The following KDM4C variants were observed in gnomAD, a reference collection of about 807,000 sequenced individuals.
KDM4C encodes the protein lysine-specific demethylase 4C.
Under a neutral mutation model 129.3 loss-of-function variants are expected in KDM4C, and 81 were observed. That is an observed-to-expected ratio of 0.63 (90% CI 0.52 to 0.75). The LOEUF is 0.75. Ranked by LOEUF, KDM4C falls within the 30% of genes least tolerant of loss-of-function variation. The pLI, the probability that KDM4C is intolerant of heterozygous loss-of-function variation, is 0.00. For missense variants in KDM4C, 1,457 were observed against 1,304.0 expected (o/e 1.12, Z -1.81); for synonymous variants, 573 against 456.1 (o/e 1.26, Z -3.26).
chr9:6,898,657 G>A (rs1192242737), intron 8 of KDM4C, among the ~76,000 whole-genome samples: 1 of 152,100 alleles, frequency 6.6e-6, no homozygotes, highest in Non-Finnish European at 1.5e-5. Flanking sequence ...TTTTAAAACT[G>A]ATTTCCCTTT....
At chr9:7,014,915 AACACAC>A (rs55864882) in intron 14 of KDM4C, among the ~76,000 whole-genome samples, 12,920 of 146,184 alleles carry the variant, frequency 0.088, 603 homozygotes, top group South Asian at 0.13. Context: ...GGCAATTTGT[AACACAC>A]ACACACACAC....
At chr9:6,753,732 CA>C (rs1818147936), upstream of KDM4C, among the ~76,000 whole-genome samples, 1 of 152,130 alleles carries the variant, frequency 6.6e-6, no homozygotes, top group African/African-American at 2.4e-5. Flanking sequence ...CCCATTCCTG[CA>C]GTTACGGCAT....
At chr9:6,847,682 G>A (rs1036379652) in intron 4 of KDM4C, among the ~76,000 whole-genome samples, 12 of 151,854 alleles carry the variant, frequency 7.9e-5, no homozygotes, top group African/African-American at 1.7e-4. Flanking sequence ...GAGTCTCCGC[G>A]CCCGGCCGGA....
At chr9:6,775,542 G>C (rs137964777) in intron 1 of KDM4C, among the ~76,000 whole-genome samples, 3,002 of 151,306 alleles carry the variant, frequency 0.02, 43 homozygotes, top group Non-Finnish European at 0.031. Flanking sequence ...TTTTTTTTGA[G>C]ATGGAGTTTC....
intron 20 of KDM4C, among the ~76,000 whole-genome samples, chr9:7,168,450 T>A (rs566284313): frequency 1.1e-4 from 17 of 152,206 alleles, no homozygotes; most frequent in Non-Finnish European, 2.4e-4. Context: ...GTATTAAACC[T>A]AAACCAATCT....
intron 15 of KDM4C, among the ~76,000 whole-genome samples, chr9:7,030,170 T>G (rs1261335887): frequency 2.6e-5 from 4 of 152,208 alleles, no homozygotes; most frequent in Non-Finnish European, 4.4e-5. Flanking sequence ...CCATTTTGCT[T>G]TAATTAGTTT....
intron 15 of KDM4C, among the ~76,000 whole-genome samples, chr9:7,023,327 G>A (rs866556777): frequency 2.9e-4 from 44 of 152,128 alleles, no homozygotes; most frequent in African/African-American, 1.1e-3. Context: ...CTTGTTATTG[G>A]TCTGTTTGGG....
intron 2 of KDM4C, among the ~76,000 whole-genome samples, chr9:6,802,598 C>A (rs1286608600): frequency 1.3e-5 from 2 of 152,166 alleles, no homozygotes; most frequent in African/African-American, 2.4e-5. Context: ...CAAAGAACTT[C>A]AGCTACATAG....
intron 1 of KDM4C, among the ~76,000 whole-genome samples, chr9:6,776,113 C>G (rs1822976975): frequency 6.6e-6 from 1 of 152,150 alleles, no homozygotes; most frequent in Non-Finnish European, 1.5e-5. Context: ...AGATGGAGGC[C>G]TCACTGTGTC....
Position 7,165,320 on chromosome 9 carries a change from C to T in KDM4C, c.2864C>T (p.Ala955Val), listed in dbSNP as rs2130423764. 4 of 1,614,092 alleles carry T rather than the reference C, an allele frequency of 2.5e-6. No individual in the cohort carries two copies. The East Asian group carries it at 8.9e-5, about 36-fold the overall frequency. ...VKWPDGKLYG[A>V]KYFGSNIAHM... ...TGGCCCGATGGCAAACTCTATGGAG[C>T]AAAATATTTTGGATCAAATATTGCC... Residue 955 changes from alanine to valine, a missense_variant, in exon 20 of 22, where the codon GCA becomes GTA. Physicochemically the swap from Ala to Val is moderately conservative, Grantham distance 64. Transcript: ENST00000381309.
At chr9:6,803,173 T>G (rs1408422462) in intron 2 of KDM4C, among the ~76,000 whole-genome samples, 1 of 152,186 alleles carries the variant, frequency 6.6e-6, no homozygotes, top group African/African-American at 2.4e-5. Flanking sequence ...CTCTTACACC[T>G]GGGCAGTAGG....
Position 6,793,015 on chromosome 9 carries a change from T to C in KDM4C, c.27T>C (p.Pro9=). The part of the protein sequence containing the change: MEVAEVES[P]LNPSCKIMTF... ...TGGAGGTGGCCGAGGTGGAAAGTCC[T>C]CTGAACCCCAGCTGTAAGATAATGA... The change falls in exon 2 of 22, where the codon CCT becomes CCC. Residue 9 remains proline (P), a synonymous_variant. Transcript: ENST00000381309. 1 of 1,614,200 alleles carries C rather than the reference T, an allele frequency of 6.2e-7. No individual in the cohort carries two copies. Among genetic ancestry groups the C allele is most frequent in the Non-Finnish European group, 8.5e-7 (1 of 1,180,026 alleles).
intron 18 of KDM4C, chr9:7,105,633 T>G: frequency 2.8e-6 from 1 of 354,124 alleles, no homozygotes; most frequent in South Asian, 2.2e-5. Flanking sequence ...TACTCTATTA[T>G]TTGGTGAATT....
At chr9:6,820,394 G>A (rs1832814951) in intron 4 of KDM4C, among the ~76,000 whole-genome samples, 1 of 152,154 alleles carries the variant, frequency 6.6e-6, no homozygotes, top group Non-Finnish European at 1.5e-5. Flanking sequence ...ATAGGAGGGT[G>A]AGGAAAAACT....
intron 17 of KDM4C, among the ~76,000 whole-genome samples, chr9:7,085,844 T>C (rs1398770746): frequency 6.6e-6 from 1 of 151,874 alleles, no homozygotes; most frequent in Non-Finnish European, 1.5e-5. Context: ...TTTCTTTCTT[T>C]TTTATTTTTC....
chr9:6,940,413 A>G (rs1259928810), intron 8 of KDM4C, among the ~76,000 whole-genome samples: 2 of 152,226 alleles, frequency 1.3e-5, no homozygotes, highest in African/African-American at 4.8e-5. Flanking sequence ...TGTTGTCACT[A>G]CCTTGGAGAA....
chr9:6,802,211 T>C (rs916055317), intron 2 of KDM4C, among the ~76,000 whole-genome samples: 3 of 152,180 alleles, frequency 2.0e-5, no homozygotes, highest in Admixed American at 2.0e-4. Context: ...TGAGTACCAT[T>C]GTACACTTAA....
intron 8 of KDM4C, among the ~76,000 whole-genome samples, chr9:6,911,785 T>C (rs1225298402): frequency 6.6e-6 from 1 of 152,216 alleles, no homozygotes; most frequent in Non-Finnish European, 1.5e-5. Flanking sequence ...CCCAGCTGAA[T>C]GTTTCTGGCT....
At chr9:6,754,508 C>T (rs1482155922), upstream of KDM4C, among the ~76,000 whole-genome samples, 1 of 152,112 alleles carries the variant, frequency 6.6e-6, no homozygotes, top group Non-Finnish European at 1.5e-5. Context: ...CCACTGTGCC[C>T]AGCTCAATTA....
Sources: gnomAD v4.1 joint callset for allele counts (sites outside exome capture counted in the v4.1 genomes callset) on GRCh38, gnomAD v4.1.1 for gene constraint, MANE v1.5 for transcripts, NCBI Gene and HGNC (gene_info 2026-07-23, HGNC 2026-07-21) for gene names.